The following USP22 variants were observed in gnomAD, a reference collection of about 807,000 sequenced individuals.
The protein encoded by USP22 is ubiquitin specific peptidase 22, also known as ubiquitin carboxyl-terminal hydrolase 22.
USP22 carries 22 observed loss-of-function variants against 68.1 expected under a neutral mutation model. That is an observed-to-expected ratio of 0.32 (90% confidence interval 0.23 to 0.46). USP22 has a LOEUF of 0.46. Among genes scored for constraint, USP22 ranks in the 20% least tolerant of loss-of-function variants. The probability of loss-of-function intolerance (pLI) is 1.00; values close to 1 mark genes in which losing one functional copy is unlikely to be tolerated. For synonymous variants in USP22, 279 were observed against 274.2 expected (o/e 1.02, Z -0.17); for missense variants, 433 against 695.8 (o/e 0.62, Z 4.25).
chr17:21,012,993 G>T lies in USP22; in HGVS notation c.839-58C>A, dbSNP rs528293883. On this transcript the variant is annotated intron_variant, in intron 6 of 12. Coordinates refer to ENST00000261497, the MANE Select transcript of USP22 (RefSeq NM_015276.2). Reference sequence around the variant, plus strand: ...CTCCCCAAATATGGGGAGTCTCTAAGGGAAGAGCAGTTCACCCTGCAGAAG... The same window carrying T: ...CTCCCCAAATATGGGGAGTCTCTAATGGAAGAGCAGTTCACCCTGCAGAAG... 1.2e-5 allele frequency: 19 copies of T among 1,548,536 alleles called. No homozygotes were observed. The Admixed American group carries it at 2.7e-4, about 22-fold the overall frequency.
chr17:21,042,396 A>C, intron 1 of USP22: 1 of 188,144 alleles, frequency 5.3e-6, no homozygotes. Context: ...GAGGGGACAG[A>C]GAGGAGGGGG....
chr17:21,038,787 G>A (rs904608297), intron 1 of USP22, among the ~76,000 whole-genome samples: 2 of 152,078 alleles, frequency 1.3e-5, no homozygotes, highest in Non-Finnish European at 2.9e-5. Flanking sequence ...TCTCCAAAGT[G>A]TCTATATTCA....
At chr17:21,025,497 A>G (rs1490178979) in intron 2 of USP22, among the ~76,000 whole-genome samples, 1 of 152,234 alleles carries the variant, frequency 6.6e-6, no homozygotes, top group African/African-American at 2.4e-5. Context: ...GCTCACTTCT[A>G]GGTATACATC....
chr17:21,009,872 G>A (rs141647725), intron 8 of USP22, among the ~76,000 whole-genome samples: 45 of 151,892 alleles, frequency 3.0e-4, no homozygotes, highest in African/African-American at 9.9e-4. Flanking sequence ...GGAGAATCAC[G>A]TGAACCTGGG....
At chr17:21,028,783 AG>A (rs1597698973) in intron 1 of USP22, 109 bp from the exon 2 acceptor site, 13 of 1,361,390 alleles carry the variant, frequency 9.5e-6, no homozygotes, top group Non-Finnish European at 1.3e-5. Flanking sequence ...AAGAAAGGAC[AG>A]GGAATTCCAT....
At chr17:21,005,108 ACTTTATGCTTCAG>A in intron 10 of USP22, 118 bp from the exon 11 acceptor site, 10 of 1,135,326 alleles carry the variant, frequency 8.8e-6, no homozygotes, top group African/African-American at 1.5e-5. Context: ...ACCGAGGTGC[ACTTTATGCTTCAG>A]GCAGAAATCT....
intron 4 of USP22, 75 bp from the exon 5 acceptor site, chr17:21,018,186 C>T: frequency 7.2e-7 from 1 of 1,383,114 alleles, no homozygotes; most frequent in South Asian, 1.5e-5. Context: ...CAGCGGCTTC[C>T]TCTACCTCTA....
intron 1 of USP22, among the ~76,000 whole-genome samples, chr17:21,033,016 T>A (rs929556858): frequency 1.3e-5 from 2 of 151,142 alleles, no homozygotes; most frequent in Non-Finnish European, 2.9e-5. Context: ...TGAGACACAT[T>A]TGCAGACGAT....
At chr17:21,025,790 G>A (rs1373009223) in intron 2 of USP22, among the ~76,000 whole-genome samples, 1 of 152,196 alleles carries the variant, frequency 6.6e-6, no homozygotes, top group East Asian at 1.9e-4. Context: ...ATCCAGGAAA[G>A]GAGAACCCAC....
chr17:21,036,871 T>C (rs1972364884), intron 1 of USP22, among the ~76,000 whole-genome samples: 1 of 152,196 alleles, frequency 6.6e-6, no homozygotes, highest in South Asian at 2.1e-4. Flanking sequence ...CCAGTAATGA[T>C]GAACACACCA....
At chr17:21,031,850 C>T (rs1206184501) in intron 1 of USP22, among the ~76,000 whole-genome samples, 1 of 152,244 alleles carries the variant, frequency 6.6e-6, no homozygotes, top group East Asian at 1.9e-4. Context: ...ACACATTTTA[C>T]AGGCCTTATG....
In USP22 at chr17:21,012,737, A is replaced by G. The variant is rs138532814; in HGVS notation, c.944+93T>C. The G allele has an allele frequency of 2.4e-3, 2,740 of 1,159,974 alleles. 54 individuals carry two copies. The African/African-American group carries it at 0.036, about 15-fold the overall frequency. 71.9% of individuals were successfully genotyped at this position (1,159,974 alleles called of 1,614,324 possible). On this transcript the variant is annotated intron_variant, in intron 7 of 12. Coordinates refer to ENST00000261497, the MANE Select transcript of USP22 (RefSeq NM_015276.2). ...CATTTATCTCATAGCCTCCTTAAAGACCTCTCAGAGCACACACAGCTCTGG... is the reference window on the plus strand; with the variant it reads ...CATTTATCTCATAGCCTCCTTAAAGGCCTCTCAGAGCACACACAGCTCTGG...
chr17:21,041,461 G>T (rs954207415), intron 1 of USP22, among the ~76,000 whole-genome samples: 4 of 152,162 alleles, frequency 2.6e-5, no homozygotes, highest in African/African-American at 7.2e-5. Context: ...AGCCGGGCGT[G>T]GTAGCAGGAG....
intron 10 of USP22, among the ~76,000 whole-genome samples, chr17:21,006,251 G>C (rs1474097550): frequency 5.3e-5 from 8 of 152,192 alleles, no homozygotes; most frequent in Non-Finnish European, 1.0e-4. Flanking sequence ...ATTTGAAAAG[G>C]AAAATGCAAT....
intron 10 of USP22, among the ~76,000 whole-genome samples, chr17:21,005,486 A>G (rs1913750001): frequency 6.6e-6 from 1 of 152,232 alleles, no homozygotes; most frequent in Non-Finnish European, 1.5e-5. Flanking sequence ...GAAGCCATGC[A>G]CATTATTTAC....
intron 2 of USP22, among the ~76,000 whole-genome samples, chr17:21,027,866 G>A (rs1303723646): frequency 6.6e-6 from 1 of 152,118 alleles, no homozygotes; most frequent in Non-Finnish European, 1.5e-5. Flanking sequence ...TACATGGGAG[G>A]CTGAGGCAGG....
In USP22 at chr17:21,000,349, TGCCAGGGCCGCC is replaced by T. The variant is rs1913519798; in HGVS notation, c.*2670_*2681del. Reference sequence around the variant, plus strand: ...ACACAAGACCTAATGCAAGGGGCAGTGCCAGGGCCGCCGCCGCCTCCTGTGAGCAGCTCTTCA... The same window carrying T: ...ACACAAGACCTAATGCAAGGGGCAGTGCCGCCTCCTGTGAGCAGCTCTTCA... On this transcript the variant is annotated 3_prime_UTR_variant, in exon 13 of 13. Coordinates refer to ENST00000261497, the MANE Select transcript of USP22 (RefSeq NM_015276.2). The T allele has an allele frequency of 6.6e-6, 1 of 152,350 alleles. No individual in the cohort carries two copies. The highest frequency in any genetic ancestry group is 2.1e-4 in the South Asian group (1 of 4,840). 9.4% of individuals were successfully genotyped at this position (152,350 alleles called of 1,614,324 possible).
In USP22 at chr17:21,019,067, C is replaced by A. The variant is rs114644691; in HGVS notation, c.520+17G>T. On this transcript the variant is annotated intron_variant, in intron 4 of 12. Coordinates refer to ENST00000261497, the MANE Select transcript of USP22 (RefSeq NM_015276.2). ...TGGAAAGAAGCCTAGCTGAGAGTGA[C>A]GACACGCTCCACCCACCTATGGTGC... The A allele has an allele frequency of 2.5e-6, 4 of 1,612,994 alleles. No individual in the cohort carries two copies. The South Asian group carries it at 4.4e-5, about 18-fold the overall frequency.
rs1007445355 is a variant in USP22 at position 21,002,642 on chromosome 17, T to C, written c.*389A>G. The C allele has an allele frequency of 1.1e-5, 3 of 271,272 alleles. No individual in the cohort carries two copies. Among genetic ancestry groups the C allele is most frequent in the East Asian group, 1.9e-4 (2 of 10,604 alleles). The allele number at this position is 271,272 out of a possible 1,614,324, so 16.8% of individuals were successfully genotyped here. On this transcript the variant is annotated 3_prime_UTR_variant, in exon 13 of 13. Transcript: ENST00000261497. Reference sequence around the variant, plus strand: ...CTCTGTGTCCAGCTTACTGCTTTCATGGACCCATAATCTTACAGCAGGTAG... The same window carrying C: ...CTCTGTGTCCAGCTTACTGCTTTCACGGACCCATAATCTTACAGCAGGTAG...
Sources: allele counts gnomAD v4.1 joint callset (sites outside exome capture counted in the v4.1 genomes callset), GRCh38; gene constraint gnomAD v4.1.1; transcripts MANE v1.5; gene names NCBI Gene and HGNC (gene_info 2026-07-23, HGNC 2026-07-21).